Variants in FARP1 observed in about 807,000 individuals in gnomAD.
FARP1 encodes FERM, ARHGEF and pleckstrin domain-containing protein 1.
A neutral mutation model predicts 128.8 loss-of-function variants in FARP1; 52 were observed. The ratio of observed to expected loss-of-function variants is 0.40; its 90% CI spans 0.32 to 0.51. The LOEUF (loss-of-function observed/expected upper bound fraction) is 0.51. Among genes scored for constraint, FARP1 ranks in the 20% least tolerant of loss-of-function variants. The pLI is 0.45. For missense variants in FARP1, 1,333 were observed against 1,367.9 expected, an observed-to-expected ratio of 0.97 and a Z score of 0.40; for synonymous variants, 580 against 551.8, an observed-to-expected ratio of 1.05 and a Z score of -0.72.
intron 2 of FARP1, chr13:98,245,383 C>T: frequency 1.0e-6 from 1 of 982,080 alleles, no homozygotes; most frequent in Non-Finnish European, 1.2e-6. Context: ...AATGAGAAAA[C>T]AGATTTTCAG....
At chr13:98,396,779 A>T (rs1205627554) in intron 13 of FARP1, 1 of 305,618 alleles carries the variant, frequency 3.3e-6, no homozygotes, top group East Asian at 5.1e-5. Flanking sequence ...GCTAGGAAGA[A>T]ACACTTTATT....
intron 11 of FARP1, among the ~76,000 whole-genome samples, chr13:98,392,689 A>G (rs528800971): frequency 6.6e-6 from 1 of 152,276 alleles, no homozygotes; most frequent in East Asian, 1.9e-4. Flanking sequence ...AGAACCATCC[A>G]GATTATTTCA....
intron 3 of FARP1, among the ~76,000 whole-genome samples, chr13:98,359,836 C>T (rs1300681708): frequency 1.3e-5 from 2 of 152,118 alleles, no homozygotes; most frequent in African/African-American, 4.8e-5. Flanking sequence ...GCCAAGGTCA[C>T]CTAATGATGT....
chr13:98,194,681 C>G (rs1879462297), intron 1 of FARP1, among the ~76,000 whole-genome samples: 1 of 152,194 alleles, frequency 6.6e-6, no homozygotes, highest in African/African-American at 2.4e-5. Flanking sequence ...AGAATTAAGT[C>G]TCAGTTTAGA....
chr13:98,208,215 C>CTT (rs2139301114), intron 1 of FARP1, among the ~76,000 whole-genome samples: 1 of 151,728 alleles, frequency 6.6e-6, no homozygotes, highest in South Asian at 2.1e-4. Flanking sequence ...AAGGGGCCAG[C>CTT]GTGGTGGCTA....
chr13:98,206,989 A>T (rs1032853283), intron 1 of FARP1, among the ~76,000 whole-genome samples: 2 of 152,140 alleles, frequency 1.3e-5, no homozygotes, highest in African/African-American at 2.4e-5. Context: ...GGTTTGTTGG[A>T]TTTGTTTATC....
chr13:98,211,606 C>A (rs1046051753), intron 1 of FARP1, among the ~76,000 whole-genome samples: 2 of 152,164 alleles, frequency 1.3e-5, no homozygotes, highest in African/African-American at 2.4e-5. Context: ...GTTTCTGTCC[C>A]GTAACTCTGT....
At chr13:98,145,746 C>T (rs774691) in intron 1 of FARP1, among the ~76,000 whole-genome samples, 54,117 of 95,896 alleles carry the variant, frequency 0.56, 9,775 homozygotes, top group Non-Finnish European at 0.61. Context: ...GCCTGTAATC[C>T]CAGCTGCTCA....
At chr13:98,247,489 G>A (rs1204112726) in intron 2 of FARP1, among the ~76,000 whole-genome samples, 1 of 152,212 alleles carries the variant, frequency 6.6e-6, no homozygotes, top group South Asian at 2.1e-4. Context: ...ATCCATCCCC[G>A]CAGCCCTGCT....
chr13:98,445,741 C>A (rs569464022), intron 24 of FARP1: 1 of 169,684 alleles, frequency 5.9e-6, no homozygotes, highest in South Asian at 1.4e-4. Context: ...ACACCACTCC[C>A]GTTGGATTTA....
chr13:98,436,398 A>G (rs1011700567), intron 19 of FARP1, among the ~76,000 whole-genome samples: 3 of 152,208 alleles, frequency 2.0e-5, no homozygotes, highest in African/African-American at 7.2e-5. Context: ...CAAACGTATC[A>G]TTCAGTTGCT....
chr13:98,149,715 CTG>C (rs1476018603), intron 1 of FARP1, among the ~76,000 whole-genome samples: 1 of 130,702 alleles, frequency 7.7e-6, no homozygotes, highest in Non-Finnish European at 1.6e-5. Flanking sequence ...TTGTGAGTGT[CTG>C]TTAGATATTT....
At chr13:98,206,236 A>G (rs1442539316) in intron 1 of FARP1, among the ~76,000 whole-genome samples, 4 of 150,562 alleles carry the variant, frequency 2.7e-5, no homozygotes, top group East Asian at 2.0e-4. Context: ...AACCTTTGCT[A>G]TTCCCTTATT....
intron 2 of FARP1, among the ~76,000 whole-genome samples, chr13:98,255,315 T>C (rs943697647): frequency 3.0e-4 from 46 of 151,954 alleles, no homozygotes; most frequent in African/African-American, 1.1e-3. Context: ...CTGGCTAACA[T>C]GGTGAAACCC....
chr13:98,159,147 C>T (rs1027400729), intron 1 of FARP1, among the ~76,000 whole-genome samples: 2 of 152,228 alleles, frequency 1.3e-5, no homozygotes, highest in Non-Finnish European at 2.9e-5. Flanking sequence ...TCCTTGGAAT[C>T]GTGCTCCTTG....
At chr13:98,422,827 T>G (rs1354230598) in intron 16 of FARP1, among the ~76,000 whole-genome samples, 2 of 152,216 alleles carry the variant, frequency 1.3e-5, no homozygotes, top group Non-Finnish European at 2.9e-5. Context: ...TTTCTCGCGT[T>G]GCCGGAGGGT....
At chr13:98,282,894 C>T (rs79488079) in intron 2 of FARP1, among the ~76,000 whole-genome samples, 3,592 of 150,898 alleles carry the variant, frequency 0.024, 146 homozygotes, top group African/African-American at 0.083. Context: ...GGCGAGACTC[C>T]GTCTCAAAAA....
chr13:98,258,023 G>C (rs1038750498), intron 2 of FARP1, among the ~76,000 whole-genome samples: 2 of 152,024 alleles, frequency 1.3e-5, no homozygotes, highest in African/African-American at 4.8e-5. Context: ...GCCCAGGCTA[G>C]AGTGCAGTGG....
Position 98,388,593 on chromosome 13 carries a change from A to G in FARP1, c.855+115A>G, listed in dbSNP as rs1364760366. On this transcript the variant is annotated intron_variant, in intron 9 of 26. Transcript: ENST00000319562. Reference sequence around the variant, plus strand: ...GCTGAACCTCTGGCCAGTGCTACCCAGGTGCTTTTGTCCACATGAACGCCG... The same window carrying G: ...GCTGAACCTCTGGCCAGTGCTACCCGGGTGCTTTTGTCCACATGAACGCCG... 6.5e-6 allele frequency: 5 copies of G among 769,674 alleles called. No homozygotes were observed. In the East Asian group the frequency reaches 1.0e-4, roughly 16 times the overall value. 47.7% of individuals were successfully genotyped at this position (769,674 alleles called of 1,614,324 possible). A position where few individuals can be genotyped will look rare whatever the true frequency, so the allele number is the denominator to read the frequency against.
Sources: allele counts gnomAD v4.1 joint callset (sites outside exome capture counted in the v4.1 genomes callset), GRCh38; gene constraint gnomAD v4.1.1; transcripts MANE v1.5; gene names NCBI Gene and HGNC (gene_info 2026-07-23, HGNC 2026-07-21).